The following SNTG2 variants were observed in gnomAD, a reference collection of about 807,000 sequenced individuals.
SNTG2 encodes gamma-2-syntrophin.
In SNTG2, 74 loss-of-function variants were observed where a neutral mutation model predicts 70.9. The observed-to-expected ratio is 1.04, with a 90% CI of 0.86 to 1.27. SNTG2 has a LOEUF of 1.27. SNTG2 is among the 50% of genes most tolerant of loss of function. The pLI is 0.00. For synonymous variants in SNTG2, 278 were observed against 273.8 expected, an observed-to-expected ratio of 1.02 and a Z score of -0.15; for missense variants, 717 against 690.7, an observed-to-expected ratio of 1.04 and a Z score of -0.43.
At chr2:1,212,297 C>T (rs1370520435) in intron 9 of SNTG2, among the ~76,000 whole-genome samples, 1 of 152,174 alleles carries the variant, frequency 6.6e-6, no homozygotes, top group Non-Finnish European at 1.5e-5. Context: ...CTGCTCCTAC[C>T]ATGTAAGGTG....
chr2:1,017,393 A>G (rs1485716283), intron 1 of SNTG2, among the ~76,000 whole-genome samples: 1 of 152,256 alleles, frequency 6.6e-6, no homozygotes, highest in Non-Finnish European at 1.5e-5. Flanking sequence ...ACACATACAC[A>G]TGCAGGCATG....
At chr2:1,209,283 G>T in intron 9 of SNTG2, 53 bp downstream of exon 9, 1 of 1,609,604 alleles carries the variant, frequency 6.2e-7, no homozygotes. Flanking sequence ...GTGCACTTTT[G>T]CCAGTTCCTA....
intron 6 of SNTG2, among the ~76,000 whole-genome samples, chr2:1,140,636 G>A (rs1326473470): frequency 6.6e-6 from 1 of 152,274 alleles, no homozygotes; most frequent in Non-Finnish European, 1.5e-5. Context: ...GGGCCACAGC[G>A]AGGCTGGTGT....
chr2:976,582 C>T (rs571879102), intron 1 of SNTG2, among the ~76,000 whole-genome samples: 7 of 152,198 alleles, frequency 4.6e-5, no homozygotes, highest in Non-Finnish European at 8.8e-5. Flanking sequence ...CCGGTGTGCA[C>T]GGGGGCTCTG....
chr2:1,016,273 G>C (rs1486920031), intron 1 of SNTG2, among the ~76,000 whole-genome samples: 1 of 152,006 alleles, frequency 6.6e-6, no homozygotes, highest in Non-Finnish European at 1.5e-5. Context: ...ACGGAGTCTC[G>C]CTCTGTCACC....
intron 15 of SNTG2, among the ~76,000 whole-genome samples, chr2:1,314,136 A>C (rs974787816): frequency 6.6e-6 from 1 of 152,226 alleles, no homozygotes; most frequent in Non-Finnish European, 1.5e-5. Context: ...CCAGGACCCT[A>C]TCCTAATAGG....
intron 14 of SNTG2, among the ~76,000 whole-genome samples, chr2:1,276,294 C>T (rs554717560): frequency 9.2e-5 from 14 of 152,114 alleles, no homozygotes; most frequent in East Asian, 3.8e-4. Context: ...GCTGGACAAA[C>T]GTCATTGCCT....
intron 8 of SNTG2, among the ~76,000 whole-genome samples, chr2:1,183,452 T>C (rs1046711353): frequency 6.6e-6 from 1 of 152,228 alleles, no homozygotes; most frequent in African/African-American, 2.4e-5. Flanking sequence ...ACAGGTTGTA[T>C]CAACTGACCA....
intron 1 of SNTG2, among the ~76,000 whole-genome samples, chr2:1,061,154 A>G (rs1662794204): frequency 1.3e-5 from 2 of 152,244 alleles, no homozygotes; most frequent in African/African-American, 2.4e-5. Flanking sequence ...ACATGACAGC[A>G]TAGAGCCGCG....
rs1243096346 is a variant in SNTG2, at chr2:1,221,483, C to G, written c.719+12253C>G. Reference sequence around the variant, plus strand: ...TGTCTCTGTCTCTCTGTCTCTCTCTCTCTCTGTCTCTCTCTGTCTCTCTCT... The same window carrying G: ...TGTCTCTGTCTCTCTGTCTCTCTCTGTCTCTGTCTCTCTCTGTCTCTCTCT... On this transcript the variant is annotated intron_variant, in intron 9 of 16. Coordinates refer to ENST00000308624, the MANE Select transcript of SNTG2 (RefSeq NM_018968.4). Among the ~76,000 whole-genome samples the G allele has an allele frequency of 2.4e-3, 95 of 38,868 alleles. 12 individuals carry two copies. Among genetic ancestry groups the G allele is most frequent in the Non-Finnish European group, 3.5e-3 (75 of 21,128 alleles). 25.5% of individuals were successfully genotyped at this position (38,868 alleles called of 152,430 possible). A position where few individuals can be genotyped will look rare whatever the true frequency, so the allele number is the denominator to read the frequency against.
chr2:1,239,698 T>C, intron 10 of SNTG2, 40 bp from the exon 11 acceptor site: 1 of 1,608,090 alleles, frequency 6.2e-7, no homozygotes. Context: ...ATCCTGGTGT[T>C]GGTGGCTGTG....
At chr2:1,144,193 CAT>C (rs1431832814) in intron 6 of SNTG2, among the ~76,000 whole-genome samples, 1 of 152,092 alleles carries the variant, frequency 6.6e-6, no homozygotes. Flanking sequence ...TCTGGAGAAA[CAT>C]AGAACCTGGT....
chr2:1,299,984 A>G (rs1010155481), intron 14 of SNTG2, among the ~76,000 whole-genome samples: 4 of 134,282 alleles, frequency 3.0e-5, no homozygotes, highest in African/African-American at 5.8e-5. Flanking sequence ...GAGGGCACTT[A>G]CCATCACTGC....
At chr2:1,114,971 G>C (rs2148267060) in intron 4 of SNTG2, among the ~76,000 whole-genome samples, 1 of 152,014 alleles carries the variant, frequency 6.6e-6, no homozygotes, top group South Asian at 2.1e-4. Context: ...GAAGGATCGT[G>C]TGTATTAAGT....
chr2:1,092,919 A>G (rs574883914), intron 2 of SNTG2, among the ~76,000 whole-genome samples: 2 of 152,372 alleles, frequency 1.3e-5, no homozygotes, highest in South Asian at 4.1e-4. Context: ...ATGCAGAATA[A>G]TATTTTATGA....
Position 1,061,949 on chromosome 2 carries a change from A to C in SNTG2, c.73-21569A>C, listed in dbSNP as rs1662852215. ...AAGAAAAAATGAATATATACTATAAATCTATAACAAAGAAATATGTATCAC... is the reference window on the plus strand; with the variant it reads ...AAGAAAAAATGAATATATACTATAACTCTATAACAAAGAAATATGTATCAC... On this transcript the variant is annotated intron_variant, in intron 1 of 16. Coordinates refer to ENST00000308624, the MANE Select transcript of SNTG2 (RefSeq NM_018968.4). Among the ~76,000 whole-genome samples, 2 of 152,202 alleles carry C rather than the reference A, an allele frequency of 1.3e-5. 1 individual carries two copies. Among genetic ancestry groups the C allele is most frequent in the South Asian group, 4.1e-4 (2 of 4,832 alleles).
chr2:1,292,776 T>A (rs558950204), intron 14 of SNTG2, among the ~76,000 whole-genome samples: 1 of 152,332 alleles, frequency 6.6e-6, no homozygotes, highest in Non-Finnish European at 1.5e-5. Flanking sequence ...TTTGCATCAA[T>A]CTTCATAGGG....
rs368085841 is a variant in SNTG2 at position 1,081,675 on chromosome 2, C to T, written c.73-1843C>T. 6.6e-5 allele frequency among the ~76,000 whole-genome samples: 10 copies of T among 152,360 alleles called. No individual in the cohort carries two copies. In the East Asian group the frequency reaches 7.7e-4, roughly 12 times the overall value. Reference sequence around the variant, plus strand: ...GCCCCTTCCAGAGAGCTGGTGGATCCACAGACGTCCCGTGAGCTCCCAGAG... The same window carrying T: ...GCCCCTTCCAGAGAGCTGGTGGATCTACAGACGTCCCGTGAGCTCCCAGAG... On this transcript the variant is annotated intron_variant, in intron 1 of 16. Transcript: ENST00000308624.
At chr2:969,221 C>T (rs1380902315) in intron 1 of SNTG2, among the ~76,000 whole-genome samples, 1 of 152,038 alleles carries the variant, frequency 6.6e-6, no homozygotes, top group African/African-American at 2.4e-5. Context: ...TTCCATTGGC[C>T]TGTGTTTGTT....
Sources: gnomAD v4.1 joint callset for allele counts (sites outside exome capture counted in the v4.1 genomes callset) on GRCh38, gnomAD v4.1.1 for gene constraint, MANE v1.5 for transcripts, NCBI Gene and HGNC (gene_info 2026-07-23, HGNC 2026-07-21) for gene names.